The following AVEN variants were observed in gnomAD, a reference collection of about 807,000 sequenced individuals.
AVEN encodes apoptosis and caspase activation inhibitor.
AVEN carries 41 observed loss-of-function variants against 38.1 expected under a neutral mutation model. The observed-to-expected ratio is 1.08, with a 90% confidence interval of 0.84 to 1.40. The LOEUF (loss-of-function observed/expected upper bound fraction) is 1.40, where lower values mean the gene tolerates loss of function less well. AVEN is among the 40% of genes most tolerant of loss of function. AVEN has a pLI of 0.00. For synonymous variants in AVEN, 206 were observed against 171.8 expected (o/e 1.20, Z -1.56); for missense variants, 605 against 438.8 (o/e 1.38, Z -3.38).
chr15:33,875,046 G>C (rs1042033643), intron 3 of AVEN, among the ~76,000 whole-genome samples: 1 of 152,176 alleles, frequency 6.6e-6, no homozygotes, highest in Non-Finnish European at 1.5e-5. Flanking sequence ...TTTTCTAAGA[G>C]ACTCCCCTCC....
rs115318356 is a variant in AVEN at position 34,049,034 on chromosome 15, C to A, written n.1637+13888G>T. Among the ~76,000 whole-genome samples the A allele has an allele frequency of 5.8e-3, 878 of 152,266 alleles. 12 individuals are homozygous for A. The highest frequency in any genetic ancestry group is 0.02 in the African/African-American group (850 of 41,544). ...AACAACATCAACAGAAAAGACCCCA[C>A]AAAAACCTATTTCAAGGTCAGCAAC... On this transcript the variant is annotated intron_variant and non_coding_transcript_variant, in intron 5 of 11. Coordinates refer to the AVEN transcript ENST00000675287.
At chr15:33,916,030 G>A (rs560869733) in intron 2 of AVEN, among the ~76,000 whole-genome samples, 22 of 152,006 alleles carry the variant, frequency 1.4e-4, no homozygotes, top group African/African-American at 4.1e-4. Context: ...CCCCACCCAC[G>A]GAGAGTCTGA....
At chr15:33,962,214 TG>T (rs1315443071) in intron 2 of AVEN, among the ~76,000 whole-genome samples, 1 of 152,184 alleles carries the variant, frequency 6.6e-6, no homozygotes, top group Non-Finnish European at 1.5e-5. Flanking sequence ...AAAAATAACA[TG>T]TAACAGTGTA....
chr15:33,901,200 G>A (rs1014551239), intron 2 of AVEN, among the ~76,000 whole-genome samples: 6 of 152,158 alleles, frequency 3.9e-5, no homozygotes, highest in Non-Finnish European at 7.4e-5. Context: ...CCGGGAGGCG[G>A]AGCTTGCAGT....
chr15:33,987,689 T>C (rs1013615604), intron 2 of AVEN, among the ~76,000 whole-genome samples: 12 of 152,182 alleles, frequency 7.9e-5, no homozygotes, highest in African/African-American at 2.4e-4. Flanking sequence ...TATTTATCTC[T>C]CTCTTTCTCT....
intron 2 of AVEN, among the ~76,000 whole-genome samples, chr15:33,913,885 C>G (rs1732261761): frequency 6.6e-6 from 1 of 152,174 alleles, no homozygotes; most frequent in Admixed American, 6.5e-5. Flanking sequence ...CAGGCGGAAA[C>G]TCAGATCTAC....
At chr15:34,032,703 C>G (rs917088133) in intron 1 of AVEN, among the ~76,000 whole-genome samples, 1 of 152,176 alleles carries the variant, frequency 6.6e-6, no homozygotes, top group African/African-American at 2.4e-5. Flanking sequence ...TCAAGATCCA[C>G]GGTCTTTCCC....
downstream of AVEN, chr15:33,865,843 C>CATTAGTTGTGATCTTCCGTCTTACT: frequency 6.5e-6 from 1 of 152,762 alleles, no homozygotes; most frequent in Non-Finnish European, 1.5e-5. Flanking sequence ...CAGTTCCATT[C>CATTAGTTGTGATCTTCCGTCTTACT]ATTAGTTGTG....
At chr15:33,936,988 G>A (rs1230385804) in intron 2 of AVEN, among the ~76,000 whole-genome samples, 4 of 151,584 alleles carry the variant, frequency 2.6e-5, no homozygotes, top group African/African-American at 2.4e-5. Flanking sequence ...AAAATTAGCC[G>A]GGCATGGTGG....
chr15:34,005,038 A>T (rs796440174), intron 1 of AVEN, among the ~76,000 whole-genome samples: 10 of 152,260 alleles, frequency 6.6e-5, no homozygotes, highest in African/African-American at 2.4e-4. Flanking sequence ...TTAGGAGGAA[A>T]AGACAAGCAA....
At chr15:33,884,163 A>T (rs1891604041) in intron 2 of AVEN, among the ~76,000 whole-genome samples, 1 of 152,170 alleles carries the variant, frequency 6.6e-6, no homozygotes, top group African/African-American at 2.4e-5. Context: ...GAGCATTTAC[A>T]ATAATAAATT....
intron 2 of AVEN, among the ~76,000 whole-genome samples, chr15:33,950,858 T>C (rs1405763775): frequency 6.6e-6 from 1 of 151,958 alleles, no homozygotes; most frequent in Non-Finnish European, 1.5e-5. Flanking sequence ...ATAATAATAA[T>C]TAGCAAGGCA....
downstream of AVEN, among the ~76,000 whole-genome samples, chr15:33,857,357 T>G (rs144810646): frequency 1.3e-3 from 202 of 152,104 alleles, 2 homozygotes; most frequent in African/African-American, 4.7e-3. Context: ...CTAGCCTCTC[T>G]CTCTGTGTCT....
chr15:34,073,207 A>ATTTTTTT (rs761265891), intron 1 of AVEN, among the ~76,000 whole-genome samples: 2 of 111,848 alleles, frequency 1.8e-5, no homozygotes, highest in African/African-American at 7.6e-5. Context: ...CGCCCGGCTA[A>ATTTTTTT]TTTTTTTTTT....
At chr15:34,000,714 G>A (rs1460390702) in intron 2 of AVEN, among the ~76,000 whole-genome samples, 4 of 152,128 alleles carry the variant, frequency 2.6e-5, no homozygotes, top group Non-Finnish European at 2.9e-5. Context: ...CCAAAACACT[G>A]AGTATGAAGA....
chr15:33,904,072 T>C (rs1849724189), intron 2 of AVEN, among the ~76,000 whole-genome samples: 1 of 152,230 alleles, frequency 6.6e-6, no homozygotes, highest in Non-Finnish European at 1.5e-5. Context: ...ATGTGGTCCA[T>C]GATTGACCAA....
At chr15:34,014,251 C>G (rs1897767326) in intron 1 of AVEN, among the ~76,000 whole-genome samples, 1 of 151,622 alleles carries the variant, frequency 6.6e-6, no homozygotes, top group African/African-American at 2.4e-5. Context: ...GTAACCCCAG[C>G]TACTTGGGAG....
intron 5 of AVEN, among the ~76,000 whole-genome samples, chr15:34,054,335 C>T (rs1169139393): frequency 6.6e-6 from 1 of 152,108 alleles, no homozygotes; most frequent in African/African-American, 2.4e-5. Context: ...TGAGTATATA[C>T]CCAAGGGACT....
intron 2 of AVEN, among the ~76,000 whole-genome samples, chr15:33,904,712 T>TACACACAC (rs1394478053): frequency 1.7e-4 from 24 of 138,232 alleles, no homozygotes; most frequent in East Asian, 1.3e-3. Flanking sequence ...TATATATATA[T>TACACACAC]ATATACACAC....
Sources: gnomAD v4.1 joint callset for allele counts (sites outside exome capture counted in the v4.1 genomes callset) on GRCh38, gnomAD v4.1.1 for gene constraint, MANE v1.5 for transcripts, NCBI Gene and HGNC (gene_info 2026-07-23, HGNC 2026-07-21) for gene names.